CPA6: variants seen among roughly 807,000 people sequenced by gnomAD.
CPA6 encodes carboxypeptidase B.
Under a neutral mutation model 63.3 loss-of-function variants are expected in CPA6, and 58 were observed. The ratio of observed to expected loss-of-function variants is 0.92; its 90% CI spans 0.74 to 1.14. CPA6 has a LOEUF of 1.14. Among genes scored for constraint, CPA6 ranks in the 50% most tolerant of loss-of-function variants. CPA6 has a pLI of 0.00. For synonymous variants in CPA6, 185 were observed against 179.0 expected (o/e 1.03, Z -0.27); for missense variants, 565 against 526.6 (o/e 1.07, Z -0.71).
At chr8:67,544,876 G>A (rs187196679) in intron 2 of CPA6, among the ~76,000 whole-genome samples, 47 of 152,218 alleles carry the variant, frequency 3.1e-4, no homozygotes, top group African/African-American at 1.1e-3. Context: ...TATACATGGG[G>A]AGTCTTCTGC....
At chr8:67,614,586 A>G (rs929867159) in intron 2 of CPA6, among the ~76,000 whole-genome samples, 2 of 152,230 alleles carry the variant, frequency 1.3e-5, no homozygotes, top group Non-Finnish European at 2.9e-5. Context: ...GTTACCTTTA[A>G]GTCATTAACG....
At chr8:67,465,596 GT>G (rs1810907319) in intron 8 of CPA6, among the ~76,000 whole-genome samples, 1 of 152,146 alleles carries the variant, frequency 6.6e-6, no homozygotes, top group Non-Finnish European at 1.5e-5. Context: ...AATGCTTCTA[GT>G]TTTTCCCGTT....
intron 2 of CPA6, among the ~76,000 whole-genome samples, chr8:67,587,218 A>G (rs115659681): frequency 0.025 from 3,871 of 152,200 alleles, 81 homozygotes; most frequent in African/African-American, 0.061. Flanking sequence ...GGTAATTGTG[A>G]TGGATAGTGC....
At chr8:67,741,793 A>G (rs1817917976) in intron 1 of CPA6, among the ~76,000 whole-genome samples, 1 of 152,200 alleles carries the variant, frequency 6.6e-6, no homozygotes, top group African/African-American at 2.4e-5. Context: ...GGTGAGTCCT[A>G]TAATTATTTC....
At chr8:67,490,531 A>G (rs1811581056) in intron 6 of CPA6, among the ~76,000 whole-genome samples, 1 of 152,168 alleles carries the variant, frequency 6.6e-6, no homozygotes, top group Non-Finnish European at 1.5e-5. Context: ...GCTTCACCAA[A>G]GCAATTTTTT....
At chr8:67,655,967 G>A (rs192252301) in intron 1 of CPA6, among the ~76,000 whole-genome samples, 15 of 152,102 alleles carry the variant, frequency 9.9e-5, no homozygotes, top group East Asian at 3.9e-4. Flanking sequence ...TTACCTGGAC[G>A]TAAAATACTT....
chr8:67,625,289 C>G (rs1815171544), intron 1 of CPA6, among the ~76,000 whole-genome samples: 2 of 152,170 alleles, frequency 1.3e-5, no homozygotes, highest in Non-Finnish European at 2.9e-5. Context: ...AAAAAAATCT[C>G]TATAGGACTA....
chr8:67,613,345 C>A (rs916186968), intron 2 of CPA6, among the ~76,000 whole-genome samples: 3 of 152,158 alleles, frequency 2.0e-5, no homozygotes, highest in Non-Finnish European at 4.4e-5. Flanking sequence ...TACATATGCT[C>A]ATTCACTCAA....
At chr8:67,649,432 T>C (rs1032468158) in intron 1 of CPA6, among the ~76,000 whole-genome samples, 3 of 152,200 alleles carry the variant, frequency 2.0e-5, no homozygotes, top group African/African-American at 7.2e-5. Flanking sequence ...TGCCCAATAG[T>C]TTTTTTCATT....
intron 8 of CPA6, among the ~76,000 whole-genome samples, chr8:67,474,937 T>C (rs757610410): frequency 3.3e-5 from 5 of 152,162 alleles, no homozygotes; most frequent in Non-Finnish European, 7.4e-5. Flanking sequence ...GAGACTGCAG[T>C]GAGCCATGAT....
chr8:67,722,200 C>T (rs1236440599), intron 1 of CPA6, among the ~76,000 whole-genome samples: 4 of 152,162 alleles, frequency 2.6e-5, no homozygotes, highest in Admixed American at 6.6e-5. Flanking sequence ...TTTAACATTG[C>T]TATCACTGCC....
At chr8:67,673,270 A>T (rs144175842) in intron 1 of CPA6, among the ~76,000 whole-genome samples, 2 of 152,150 alleles carry the variant, frequency 1.3e-5, no homozygotes, top group African/African-American at 4.8e-5. Flanking sequence ...CACATTGGAT[A>T]CTATGATATA....
chr8:67,645,095 G>A (rs1815686432), intron 1 of CPA6, among the ~76,000 whole-genome samples: 1 of 151,960 alleles, frequency 6.6e-6, no homozygotes, highest in Admixed American at 6.6e-5. Flanking sequence ...AAATTCTCAG[G>A]GGTATCAAAA....
intron 1 of CPA6, among the ~76,000 whole-genome samples, chr8:67,632,175 T>C (rs954729268): frequency 2.0e-4 from 30 of 151,542 alleles, no homozygotes; most frequent in Non-Finnish European, 3.8e-4. Context: ...TGTGTGTGTG[T>C]GTGTGTGTTT....
rs912600386 is a variant in CPA6, at chr8:67,703,264, G to A, written c.116+42750C>T. On this transcript the variant is annotated intron_variant, in intron 1 of 10. Coordinates refer to ENST00000297770, the MANE Select transcript of CPA6 (RefSeq NM_020361.5). The stretch of plus-strand genomic sequence containing the variant: ...TCAGTGGCTCTGCTCCCCCAAAGCT[G>A]ATCTCTCAGCTCACCCTGATGGGTG... 3.3e-5 allele frequency among the ~76,000 whole-genome samples: 5 copies of A among 152,262 alleles called. No homozygotes were observed. The South Asian group carries it at 8.3e-4, about 25-fold the overall frequency.
chr8:67,508,558 T>C (rs1330477002), intron 5 of CPA6, among the ~76,000 whole-genome samples: 2 of 152,116 alleles, frequency 1.3e-5, no homozygotes, highest in East Asian at 1.9e-4. Context: ...AGGGATTACC[T>C]GAACCTAAGG....
At chr8:67,701,115 G>A (rs529177839) in intron 1 of CPA6, among the ~76,000 whole-genome samples, 4 of 152,178 alleles carry the variant, frequency 2.6e-5, no homozygotes, top group Non-Finnish European at 5.9e-5. Context: ...AGAGCATGGA[G>A]TTTGAAGACA....
At chr8:67,509,016 C>G (rs1042769655) in intron 5 of CPA6, among the ~76,000 whole-genome samples, 1 of 152,030 alleles carries the variant, frequency 6.6e-6, no homozygotes, top group African/African-American at 2.4e-5. Flanking sequence ...GGAGGCACAG[C>G]TTACATGGTG....
chr8:67,733,211 A>T lies in CPA6; in HGVS notation c.116+12803T>A, dbSNP rs561740594. On this transcript the variant is annotated intron_variant, in intron 1 of 10. Transcript: ENST00000297770. ...GACTCCATCTCAAAAAAAAAAAAAA[A>T]AAAAAAAAAAAAATAAAAAAATTTA... is the stretch of plus-strand genomic sequence containing the variant. 7.9e-4 allele frequency among the ~76,000 whole-genome samples: 103 copies of T among 130,026 alleles called. 1 individual carries two copies. Among genetic ancestry groups the T allele is most frequent in the African/African-American group, 1.3e-3 (49 of 38,128 alleles). The allele number at this position is 130,026 out of a possible 152,430, so 85.3% of individuals were successfully genotyped here. A position where few individuals can be genotyped will look rare whatever the true frequency, so the allele number is the denominator to read the frequency against.
Sources: allele counts gnomAD v4.1 joint callset (sites outside exome capture counted in the v4.1 genomes callset), GRCh38; gene constraint gnomAD v4.1.1; transcripts MANE v1.5; gene names NCBI Gene and HGNC (gene_info 2026-07-23, HGNC 2026-07-21).